PRELP: variants seen among roughly 807,000 people sequenced by gnomAD.
PRELP encodes the protein prolargin.
PRELP carries 16 observed loss-of-function variants against 22.8 expected under a neutral mutation model. The observed-to-expected ratio is 0.70, with a 90% CI of 0.47 to 1.06. PRELP has a LOEUF of 1.06. Among genes scored for constraint, PRELP ranks in the 50% least tolerant of loss-of-function variants. The pLI is 0.00. For synonymous variants in PRELP, 233 were observed against 211.4 expected (o/e 1.10, Z -0.89); for missense variants, 434 against 485.2 (o/e 0.89, Z 0.99).
In PRELP at chr1:203,490,082, CTT is replaced by C. The variant is rs1339204094; in HGVS notation, c.*3202_*3203del. 6.8e-6 allele frequency: 1 copy of C among 147,898 alleles called. No homozygotes were observed. The highest frequency in any genetic ancestry group is 1.5e-5 in the Non-Finnish European group (1 of 67,290). 9.2% of individuals were successfully genotyped at this position (147,898 alleles called of 1,614,324 possible). On this transcript the variant is annotated 3_prime_UTR_variant, in exon 3 of 3. Coordinates refer to ENST00000343110, the MANE Select transcript of PRELP (RefSeq NM_002725.4). ...AGATGAGTGGGGAAAAGATTATACT[CTT>C]AAGAAATTCCTACGAAAGCTATCCA... is the stretch of plus-strand genomic sequence containing the variant.
intron 1 of PRELP, among the ~76,000 whole-genome samples, chr1:203,479,083 C>T (rs1234612542): frequency 6.6e-6 from 1 of 152,168 alleles, no homozygotes; most frequent in Non-Finnish European, 1.5e-5. Context: ...TTCTCCACTG[C>T]AGGGTAGCTC....
rs564530133 is a variant in PRELP at position 203,487,436 on chromosome 1, G to C, written c.*555G>C. 6.5e-6 allele frequency: 1 copy of C among 153,328 alleles called. No individual in the cohort carries two copies. 9.5% of individuals were successfully genotyped at this position (153,328 alleles called of 1,614,324 possible). A position where few individuals can be genotyped will look rare whatever the true frequency, so the allele number is the denominator to read the frequency against. On this transcript the variant is annotated 3_prime_UTR_variant, in exon 3 of 3. Coordinates refer to ENST00000343110, the MANE Select transcript of PRELP (RefSeq NM_002725.4). ...CTGGCCCTGCTGGCCCGGGTATCGG[G>C]AAGGAGGAGCGAGGGAATGACGGAG... is the stretch of plus-strand genomic sequence containing the variant.
Position 203,489,743 on chromosome 1 carries a change from G to C in PRELP, c.*2862G>C, listed in dbSNP as rs1661159350. ...AGGCCAAAGCGGGCAGATCACCTGAGGTCAGGAGTTCAAGACCAGCCTGGC... is the reference window on the plus strand; with the variant it reads ...AGGCCAAAGCGGGCAGATCACCTGACGTCAGGAGTTCAAGACCAGCCTGGC... On this transcript the variant is annotated 3_prime_UTR_variant, in exon 3 of 3. Transcript: ENST00000343110. 2 of 152,210 alleles carry C rather than the reference G, an allele frequency of 1.3e-5. No individual in the cohort carries two copies. Among genetic ancestry groups the C allele is most frequent in the African/African-American group, 4.8e-5 (2 of 41,446 alleles). 9.4% of individuals were successfully genotyped at this position (152,210 alleles called of 1,614,324 possible).
chr1:203,477,652 G>GC (rs1660933604), intron 1 of PRELP, among the ~76,000 whole-genome samples: 1 of 152,068 alleles, frequency 6.6e-6, no homozygotes, highest in African/African-American at 2.4e-5. Context: ...CTTTCTTCAT[G>GC]CCCCCTCCAC....
chr1:203,486,940 T>A lies in PRELP; in HGVS notation c.*59T>A. ...ACTTGAAGGCTGGGGCCCAGGCACC[T>A]GTGCCGGCCATTCGTTTTCTCTCTC... On this transcript the variant is annotated 3_prime_UTR_variant, in exon 3 of 3. Transcript: ENST00000343110. 2.7e-6 allele frequency: 4 copies of A among 1,485,178 alleles called. No homozygotes were observed. The highest frequency in any genetic ancestry group is 3.6e-6 in the Non-Finnish European group (4 of 1,098,966). The allele number at this position is 1,485,178 out of a possible 1,614,324, so 92.0% of individuals were successfully genotyped here. A position where few individuals can be genotyped will look rare whatever the true frequency, so the allele number is the denominator to read the frequency against.
At position 203,490,360 on chromosome 1, in the gene PRELP, A is replaced by C. The variant is rs1018815954; in HGVS notation, c.*3479A>C. 1 of 152,116 alleles carries C rather than the reference A, an allele frequency of 6.6e-6. No homozygotes were observed. Among genetic ancestry groups the C allele is most frequent in the Non-Finnish European group, 1.5e-5 (1 of 68,030 alleles). 9.4% of individuals were successfully genotyped at this position (152,116 alleles called of 1,614,324 possible). A position where few individuals can be genotyped will look rare whatever the true frequency, so the allele number is the denominator to read the frequency against. ...GAGACTGCCCACCCACAGACAAAAA[A>C]ATATATATATTCCTAAAGTCGGACC... On this transcript the variant is annotated 3_prime_UTR_variant, in exon 3 of 3. Coordinates refer to ENST00000343110, the MANE Select transcript of PRELP (RefSeq NM_002725.4).
intron 1 of PRELP, among the ~76,000 whole-genome samples, chr1:203,482,281 T>C (rs575491190): frequency 8.1e-5 from 11 of 135,426 alleles, no homozygotes; most frequent in African/African-American, 2.5e-4. Flanking sequence ...TTTCTTTCTT[T>C]CTTTTTTTTT....
chr1:203,486,946 G>A lies in PRELP; in HGVS notation c.*65G>A, dbSNP rs942608753. On this transcript the variant is annotated 3_prime_UTR_variant, in exon 3 of 3. Transcript: ENST00000343110. ...AGGCTGGGGCCCAGGCACCTGTGCCGGCCATTCGTTTTCTCTCTCTCCCTT... is the reference window on the plus strand; with the variant it reads ...AGGCTGGGGCCCAGGCACCTGTGCCAGCCATTCGTTTTCTCTCTCTCCCTT... 9 of 1,456,030 alleles carry A rather than the reference G, an allele frequency of 6.2e-6. No individual in the cohort carries two copies. The highest frequency in any genetic ancestry group is 2.5e-5 in the East Asian group (1 of 39,924). The allele number at this position is 1,456,030 out of a possible 1,614,324, so 90.2% of individuals were successfully genotyped here. A position where few individuals can be genotyped will look rare whatever the true frequency, so the allele number is the denominator to read the frequency against.
intron 1 of PRELP, among the ~76,000 whole-genome samples, chr1:203,481,459 T>C (rs1029687341): frequency 6.6e-6 from 1 of 152,256 alleles, no homozygotes; most frequent in Admixed American, 6.5e-5. Context: ...TAATGCCTTC[T>C]CTTTTTAACC....
chr1:203,485,442 T>C (rs971302881), intron 2 of PRELP, among the ~76,000 whole-genome samples: 12 of 152,284 alleles, frequency 7.9e-5, no homozygotes, highest in African/African-American at 2.9e-4. Context: ...CCCGACAGAA[T>C]GGGCTGAGTG....
At chr1:203,476,786 G>C (rs1233819472) in intron 1 of PRELP, among the ~76,000 whole-genome samples, 2 of 152,104 alleles carry the variant, frequency 1.3e-5, no homozygotes, top group Non-Finnish European at 2.9e-5. Flanking sequence ...AAGCGACCCA[G>C]TTCCCAATCC....
intron 1 of PRELP, among the ~76,000 whole-genome samples, chr1:203,479,389 G>A (rs907558996): frequency 6.6e-6 from 1 of 152,126 alleles, no homozygotes; most frequent in Non-Finnish European, 1.5e-5. Flanking sequence ...AGATAGGGAA[G>A]GGGGCTATCT....
chr1:203,481,575 A>C (rs1196042117), intron 1 of PRELP, among the ~76,000 whole-genome samples: 1 of 152,186 alleles, frequency 6.6e-6, no homozygotes, highest in Admixed American at 6.5e-5. Flanking sequence ...GGCCTTCCAG[A>C]CCTCCTTGGA....
chr1:203,482,222 G>C (rs572876597), intron 1 of PRELP, among the ~76,000 whole-genome samples: 2 of 152,138 alleles, frequency 1.3e-5, no homozygotes, highest in African/African-American at 4.8e-5. Flanking sequence ...GAGTGGTTAA[G>C]GGTCTTCTCT....
At position 203,486,689 on chromosome 1, in the gene PRELP, GTCT is replaced by G. The variant is rs749468190; in HGVS notation, c.974-12_974-10del. ...AGCCTCCACTCCCTTCTGATTTCTC[GTCT>G]TCTTTTTCCGTAGAAATCAACGGAA... On this transcript the variant is annotated splice_polypyrimidine_tract_variant and intron_variant, in intron 2 of 2. Transcript: ENST00000343110. The G allele has an allele frequency of 4.7e-5, 75 of 1,599,694 alleles. No individual in the cohort carries two copies. Among genetic ancestry groups the G allele is most frequent in the South Asian group, 4.1e-4 (37 of 90,614 alleles).
At position 203,483,413 on chromosome 1, in the gene PRELP, T is replaced by C. The variant is rs369802878; in HGVS notation, c.229T>C (p.Cys77Arg). The C allele has an allele frequency of 2.5e-6, 4 of 1,614,046 alleles. No homozygotes were observed. In the African/African-American group the frequency reaches 5.3e-5, roughly 22 times the overall value. ...TATCTTCCCTGACTGTCCCCGCGAA[T>C]GCTACTGCCCCCCTGATTTCCCATC... is the stretch of plus-strand genomic sequence containing the variant. Reference protein sequence around the residue: ...PSIFPDCPRECYCPPDFPSAL... With the variant: ...PSIFPDCPRERYCPPDFPSAL... Residue 77 changes from cysteine to arginine, a missense_variant, in exon 2 of 3, where the codon TGC (cysteine) becomes CGC (arginine). By Grantham distance (180) the Cys-to-Arg change is radical (BLOSUM62 -3). Coordinates refer to ENST00000343110, the MANE Select transcript of PRELP (RefSeq NM_002725.4). This position sits in a 1 kb window ranked among gnomAD's most constrained non-coding sequence, Gnocchi z 4.4.
In PRELP at chr1:203,484,144, C is replaced by T; in HGVS notation, c.960C>T (p.Asn320=). Residue 320 remains asparagine, a synonymous_variant, in exon 2 of 3, where the codon AAC becomes AAT. Transcript: ENST00000343110. ...NNRLEHLYLN[N]NSIEKINGTQ... ...GGCTGGAACACCTGTACCTCAACAA[C>T]AATAGCATCGAGAGTGAGTGGGGTG... 8.5e-7 allele frequency: 1 copy of T among 1,169,654 alleles called. No homozygotes were observed. 72.5% of individuals were successfully genotyped at this position (1,169,654 alleles called of 1,614,324 possible). A position where few individuals can be genotyped will look rare whatever the true frequency, so the allele number is the denominator to read the frequency against.
chr1:203,481,069 C>T (rs1396476204), intron 1 of PRELP, among the ~76,000 whole-genome samples: 2 of 147,918 alleles, frequency 1.4e-5, no homozygotes, highest in East Asian at 4.4e-4. Flanking sequence ...TTGCTGGAAG[C>T]CCTGGGCAAA....
chr1:203,490,481 G>A lies in PRELP; in HGVS notation c.*3600G>A, dbSNP rs1027935687. Reference sequence around the variant, plus strand: ...AGGTCTCCCAGGAGCTCTGTACTGAGGCAGACACAGAAAGACACAAAACGG... The same window carrying A: ...AGGTCTCCCAGGAGCTCTGTACTGAAGCAGACACAGAAAGACACAAAACGG... On this transcript the variant is annotated 3_prime_UTR_variant, in exon 3 of 3. Coordinates refer to ENST00000343110, the MANE Select transcript of PRELP (RefSeq NM_002725.4). 2.6e-5 allele frequency: 4 copies of A among 152,130 alleles called. No individual in the cohort carries two copies. In the East Asian group the frequency reaches 7.7e-4, roughly 29 times the overall value. 9.4% of individuals were successfully genotyped at this position (152,130 alleles called of 1,614,324 possible).
Sources: gnomAD v4.1 joint callset for allele counts (sites outside exome capture counted in the v4.1 genomes callset) on GRCh38, gnomAD v4.1.1 for gene constraint, Gnocchi (gnomAD v3.1) non-coding constraint, MANE v1.5 for transcripts, NCBI Gene and HGNC (gene_info 2026-07-23, HGNC 2026-07-21) for gene names.